The following ASH1L variants were observed in gnomAD, a reference collection of about 807,000 sequenced individuals.
ASH1L encodes the protein ASH1 like histone lysine methyltransferase.
In ASH1L, 23 loss-of-function variants were observed where a neutral mutation model predicts 269.0. The ratio of observed to expected loss-of-function variants is 0.09; its 90% confidence interval spans 0.06 to 0.12. The LOEUF (loss-of-function observed/expected upper bound fraction) is 0.12. Ranked by LOEUF, ASH1L falls within the 10% of genes least tolerant of loss-of-function variation. The pLI is 1.00. For missense variants in ASH1L, 2,912 were observed against 3,567.8 expected, an observed-to-expected ratio of 0.82 and a Z score of 4.68; for synonymous variants, 1,187 against 1,253.5, an observed-to-expected ratio of 0.95 and a Z score of 1.12.
chr1:155,400,743 G>A (rs1658761200), intron 6 of ASH1L, among the ~76,000 whole-genome samples: 1 of 152,150 alleles, frequency 6.6e-6, no homozygotes, highest in African/African-American at 2.4e-5. Flanking sequence ...CCAAAGTACA[G>A]TCTACTTTCT....
At position 155,479,633 on chromosome 1, in the gene ASH1L, C is replaced by G; in HGVS notation, c.3237G>C (p.Gln1079His). ...TCTGTCCTAATGCTGACCCAGCTGC[C>G]TGTTGAGCTGTTTGCTCAAGAACAG... ...SLAVLEQTAQ[Q>H]AAGSALGQIL... The change falls in exon 3 of 28, where the codon CAG becomes CAC. Residue 1079 changes from glutamine to histidine, a missense_variant. By Grantham distance (24) the Gln-to-His change is conservative. Coordinates refer to ENST00000392403, the MANE Select transcript of ASH1L (RefSeq NM_018489.3). 1 of 1,614,156 alleles carries G rather than the reference C, an allele frequency of 6.2e-7. No individual in the cohort carries two copies. The highest frequency in any genetic ancestry group is 8.5e-7 in the Non-Finnish European group (1 of 1,180,012).
At chr1:155,415,153 G>A (rs1011144770) in intron 6 of ASH1L, among the ~76,000 whole-genome samples, 1 of 152,040 alleles carries the variant, frequency 6.6e-6, no homozygotes, top group African/African-American at 2.4e-5. Flanking sequence ...GGAGGCCGAG[G>A]CAGGTGGATC....
At chr1:155,370,332 T>G in intron 12 of ASH1L, 172 bp downstream of exon 12, 5 of 725,486 alleles carry the variant, frequency 6.9e-6, no homozygotes, top group South Asian at 1.9e-5. Context: ...TGTCTGGGAG[T>G]GAGAAGTTAG....
intron 15 of ASH1L, 50 bp from the exon 16 acceptor site, chr1:155,354,680 T>A: frequency 6.4e-7 from 1 of 1,554,942 alleles, no homozygotes. Context: ...TAAATAAGCA[T>A]GTATTACATG....
intron 4 of ASH1L, among the ~76,000 whole-genome samples, chr1:155,451,482 A>G (rs1036355171): frequency 2.6e-5 from 4 of 151,754 alleles, no homozygotes; most frequent in East Asian, 3.9e-4. Context: ...GAGTCTAGGC[A>G]GGCGCGGTGG....
chr1:155,472,504 A>G (rs1306284893), intron 3 of ASH1L, among the ~76,000 whole-genome samples: 7 of 152,052 alleles, frequency 4.6e-5, no homozygotes, highest in Non-Finnish European at 2.9e-5. Context: ...ATCTCATATC[A>G]CCTTCACCTC....
intron 1 of ASH1L, among the ~76,000 whole-genome samples, chr1:155,529,207 C>T (rs540866336): frequency 6.6e-5 from 10 of 152,160 alleles, no homozygotes; most frequent in African/African-American, 1.9e-4. Context: ...GGGTATATAC[C>T]CAGTAACGGG....
At chr1:155,357,199 C>A in intron 15 of ASH1L, 117 bp downstream of exon 15, 1 of 635,086 alleles carries the variant, frequency 1.6e-6, no homozygotes, top group African/African-American at 1.9e-5. Context: ...ATCCCCTGAA[C>A]CCTTTGGCTT....
At chr1:155,377,065 G>C (rs1444222827) in intron 10 of ASH1L, among the ~76,000 whole-genome samples, 2 of 151,568 alleles carry the variant, frequency 1.3e-5, no homozygotes, top group Non-Finnish European at 2.9e-5. Flanking sequence ...GAGCCACCAT[G>C]CCCGGCTAAT....
At position 155,480,891 on chromosome 1, in the gene ASH1L, G is replaced by C. The variant is rs1329691028; in HGVS notation, c.1979C>G (p.Ser660Cys). 3.1e-6 allele frequency: 5 copies of C among 1,613,796 alleles called. No individual in the cohort carries two copies. Among genetic ancestry groups the C allele is most frequent in the Non-Finnish European group, 4.2e-6 (5 of 1,179,958 alleles). ...TGAAGGAGTAATAGTATGAATGCTG[G>C]ATTCAGAAGTCAAACTTGGCTTTTT... ...LGKKPSLTSESSIHTITPSVV... is the reference protein window; with the variant it reads ...LGKKPSLTSECSIHTITPSVV... The change falls in exon 3 of 28, where the codon TCC (serine) becomes TGC (cysteine). Residue 660 changes from serine (S) to cysteine (C), a missense_variant. Physicochemically the swap from Ser to Cys is moderately radical, Grantham distance 112 (BLOSUM62 -1). Coordinates refer to ENST00000392403, the MANE Select transcript of ASH1L (RefSeq NM_018489.3).
intron 26 of ASH1L, 38 bp from the exon 27 acceptor site, chr1:155,338,428 G>A (rs376592175): frequency 7.7e-5 from 122 of 1,583,874 alleles, no homozygotes; most frequent in Middle Eastern, 1.7e-4. Context: ...TAAGACACTT[G>A]AGGAGGAAAA....
chr1:155,548,433 G>C (rs572303393), intron 1 of ASH1L, among the ~76,000 whole-genome samples: 1 of 152,284 alleles, frequency 6.6e-6, no homozygotes, highest in South Asian at 2.1e-4. Flanking sequence ...TGAGGCAGGA[G>C]AACTGCTTGA....
At chr1:155,474,328 T>C (rs1665361531) in intron 3 of ASH1L, among the ~76,000 whole-genome samples, 1 of 152,138 alleles carries the variant, frequency 6.6e-6, no homozygotes, top group Admixed American at 6.5e-5. Context: ...CAAGCTTCTC[T>C]ACTAAGCCTG....
chr1:155,511,235 A>G (rs1010116363), intron 2 of ASH1L, among the ~76,000 whole-genome samples: 5 of 152,220 alleles, frequency 3.3e-5, no homozygotes, highest in Non-Finnish European at 7.3e-5. Context: ...CACTGGAACC[A>G]AAGTTTATGC....
intron 7 of ASH1L, among the ~76,000 whole-genome samples, chr1:155,382,186 G>C (rs750110746): frequency 6.0e-5 from 9 of 150,334 alleles, no homozygotes; most frequent in African/African-American, 2.0e-4. Flanking sequence ...AGCAGGCAAC[G>C]ACACAGACTC....
chr1:155,369,165 C>T (rs1030023945), intron 12 of ASH1L, among the ~76,000 whole-genome samples: 19 of 152,246 alleles, frequency 1.2e-4, no homozygotes, highest in East Asian at 3.9e-4. Flanking sequence ...TATTTCTAGA[C>T]GGGCGCGGTG....
chr1:155,463,050 T>G (rs1051116056), intron 3 of ASH1L, among the ~76,000 whole-genome samples: 42 of 152,306 alleles, frequency 2.8e-4, no homozygotes, highest in African/African-American at 9.9e-4. Context: ...AAAATTAGCC[T>G]AACAGTAGGA....
Position 155,438,537 on chromosome 1 carries a change from A to C in ASH1L, c.5618T>G (p.Val1873Gly). The C allele has an allele frequency of 6.2e-7, 1 of 1,613,406 alleles. No individual in the cohort carries two copies. The highest frequency in any genetic ancestry group is 1.1e-5 in the South Asian group (1 of 90,912). ...CTCGTCTCTGTTCAATTCTGGGTTG[A>C]CAAACTGAGCAGCCTGGAATGCTTG... ...SMQAFQAAQF[V>G]NPELNRDEEG... is the part of the protein sequence containing the mutation. The change falls in exon 5 of 28, where the codon GTC (valine) becomes GGC (glycine). Residue 1873 changes from valine to glycine, a missense_variant. Around this residue, in one of 13 missense-constraint regions of ASH1L, gnomAD observed 789 missense variants for 897.6 expected, o/e 0.88. Coordinates refer to ENST00000392403, the MANE Select transcript of ASH1L (RefSeq NM_018489.3).
intron 2 of ASH1L, among the ~76,000 whole-genome samples, chr1:155,496,710 C>T (rs1328611724): frequency 3.9e-5 from 6 of 152,104 alleles, no homozygotes; most frequent in South Asian, 2.1e-4. Flanking sequence ...AAGAACGTGG[C>T]TCATTGTAGC....
Sources: gnomAD v4.1 joint callset for allele counts (sites outside exome capture counted in the v4.1 genomes callset) on GRCh38, gnomAD v4.1.1 for gene constraint, gnomAD v4.1.1 regional missense constraint, MANE v1.5 for transcripts, NCBI Gene and HGNC (gene_info 2026-07-23, HGNC 2026-07-21) for gene names.